Variants in PPHLN1 observed in about 807,000 individuals in gnomAD.
The protein encoded by PPHLN1 is periphilin 1.
PPHLN1 carries 29 observed loss-of-function variants against 51.3 expected under a neutral mutation model. The observed-to-expected ratio is 0.57, with a 90% CI of 0.42 to 0.77. PPHLN1 has a LOEUF of 0.77. PPHLN1 is among the 30% of genes least tolerant of loss of function. The pLI is 0.00. For missense variants in PPHLN1, 436 were observed against 438.4 expected (o/e 0.99, Z 0.05); for synonymous variants, 147 against 147.8 (o/e 0.99, Z 0.04).
intron 2 of PPHLN1, among the ~76,000 whole-genome samples, chr12:42,341,358 A>G (rs943449077): frequency 6.6e-6 from 1 of 152,124 alleles, no homozygotes; most frequent in Non-Finnish European, 1.5e-5. Context: ...AGGAACTACT[A>G]GATGTGATAT....
intron 9 of PPHLN1, among the ~76,000 whole-genome samples, chr12:42,434,583 G>T (rs559653671): frequency 6.6e-6 from 1 of 152,198 alleles, no homozygotes; most frequent in Non-Finnish European, 1.5e-5. Flanking sequence ...TCTTAACCCA[G>T]TTGGTGTCTG....
At chr12:42,359,276 A>G (rs190652581) in intron 4 of PPHLN1, 56 of 152,310 alleles carry the variant, frequency 3.7e-4, no homozygotes, top group African/African-American at 1.3e-3. Context: ...TTCATTCTGT[A>G]TGGTATATTC....
chr12:42,357,269 C>T (rs1430428437), intron 4 of PPHLN1, among the ~76,000 whole-genome samples: 1 of 151,704 alleles, frequency 6.6e-6, no homozygotes, highest in Non-Finnish European at 1.5e-5. Flanking sequence ...TTATTTTGCA[C>T]GGAAGTTGAC....
At chr12:42,355,050 T>C (rs995983819) in intron 3 of PPHLN1, 111 bp from the exon 4 acceptor site, 70 of 908,238 alleles carry the variant, frequency 7.7e-5, no homozygotes, top group Non-Finnish European at 1.2e-4. Flanking sequence ...TCCCTTTTTA[T>C]GCCTTTGAAG....
At chr12:42,398,711 G>T in intron 8 of PPHLN1, 143 bp from the exon 9 acceptor site, 1 of 641,020 alleles carries the variant, frequency 1.6e-6, no homozygotes, top group Non-Finnish European at 2.5e-6. Flanking sequence ...ATTATGCATA[G>T]TGAAATGGAG....
At chr12:42,349,661 C>T (rs375294611) in intron 2 of PPHLN1, among the ~76,000 whole-genome samples, 3 of 152,012 alleles carry the variant, frequency 2.0e-5, no homozygotes, top group South Asian at 2.1e-4. Flanking sequence ...CATCTTGCAC[C>T]GCCCTTAATC....
At chr12:42,412,212 T>TA (rs1211810783) in intron 9 of PPHLN1, among the ~76,000 whole-genome samples, 1 of 151,750 alleles carries the variant, frequency 6.6e-6, no homozygotes, top group African/African-American at 2.4e-5. Context: ...TCTCAAAAAA[T>TA]AAAAAAAGAA....
intron 8 of PPHLN1, among the ~76,000 whole-genome samples, chr12:42,397,169 C>A (rs1040488102): frequency 1.3e-5 from 2 of 152,102 alleles, no homozygotes; most frequent in Non-Finnish European, 2.9e-5. Context: ...TTATTCTGTC[C>A]CTAGTCTAGA....
intron 2 of PPHLN1, among the ~76,000 whole-genome samples, chr12:42,338,720 GCT>G (rs1280851456): frequency 1.3e-5 from 2 of 152,164 alleles, no homozygotes; most frequent in African/African-American, 2.4e-5. Context: ...TAGATCAGAA[GCT>G]CTCAATCCTT....
intron 9 of PPHLN1, among the ~76,000 whole-genome samples, chr12:42,408,947 C>G (rs67215543): frequency 6.6e-6 from 1 of 151,942 alleles, no homozygotes; most frequent in African/African-American, 2.4e-5. Flanking sequence ...ACAGATAATA[C>G]TGAACCCAAT....
chr12:42,435,115 A>G (rs534963122), intron 9 of PPHLN1, among the ~76,000 whole-genome samples: 1 of 152,342 alleles, frequency 6.6e-6, no homozygotes, highest in Admixed American at 6.5e-5. Flanking sequence ...TGTCTAGTAT[A>G]TTATGATTGA....
At position 42,400,796 on chromosome 12, in the gene PPHLN1, T is replaced by TCTC. The variant is rs1491587968; in HGVS notation, c.909+1802_909+1803insCTC. ...CTCTTTCTCTCTCTCTCTCTCTCTCTTTCACACACACACACACACACACAC... is the reference window on the plus strand; with the variant it reads ...CTCTTTCTCTCTCTCTCTCTCTCTCTCTCTTCACACACACACACACACACACAC... On this transcript the variant is annotated intron_variant, in intron 9 of 9. Transcript: ENST00000358314. 2.2e-4 allele frequency among the ~76,000 whole-genome samples: 27 copies of TCTC among 122,774 alleles called. No homozygotes were observed. The Admixed American group carries it at 2.4e-3, about 11-fold the overall frequency. 80.5% of individuals were successfully genotyped at this position (122,774 alleles called of 152,430 possible).
chr12:42,337,684 G>A (rs990125762), intron 2 of PPHLN1, among the ~76,000 whole-genome samples: 1 of 152,084 alleles, frequency 6.6e-6, no homozygotes, highest in South Asian at 2.1e-4. Flanking sequence ...TCTACTTCCC[G>A]GGTTCAAGCG....
intron 9 of PPHLN1, among the ~76,000 whole-genome samples, chr12:42,440,967 A>G (rs919190551): frequency 6.6e-6 from 1 of 152,266 alleles, no homozygotes; most frequent in Admixed American, 6.5e-5. Context: ...CAAATAAATG[A>G]ACAAAGTCAT....
chr12:42,400,250 C>T (rs2078672517), intron 9 of PPHLN1: 1 of 151,666 alleles, frequency 6.6e-6, no homozygotes, highest in East Asian at 2.0e-4. Context: ...GGGCGGATCA[C>T]GAGGTCAGGA....
At chr12:42,355,332 T>C in intron 4 of PPHLN1, 110 bp downstream of exon 4, 1 of 957,456 alleles carries the variant, frequency 1.0e-6, no homozygotes, top group Admixed American at 2.2e-5. Flanking sequence ...ACTGGGATTT[T>C]AAATTTTGAA....
intron 8 of PPHLN1, 162 bp from the exon 9 acceptor site, chr12:42,398,692 C>G (rs1033884621): frequency 5.8e-6 from 3 of 515,816 alleles, no homozygotes; most frequent in Non-Finnish European, 9.6e-6. Context: ...ATCCATTTCA[C>G]ATATGCTCAT....
chr12:42,364,194 A>C (rs1346776950), intron 4 of PPHLN1, among the ~76,000 whole-genome samples: 6 of 152,244 alleles, frequency 3.9e-5, no homozygotes, highest in Non-Finnish European at 7.3e-5. Context: ...ACTGTACTCC[A>C]GCTTGGGCAA....
downstream of PPHLN1, chr12:42,442,623 A>T: frequency 6.2e-7 from 1 of 1,613,894 alleles, no homozygotes; most frequent in Non-Finnish European, 8.5e-7. Flanking sequence ...TACTCCTTTC[A>T]TCCGGTCGCT....
Sources: gnomAD v4.1 joint callset for allele counts (sites outside exome capture counted in the v4.1 genomes callset) on GRCh38, gnomAD v4.1.1 for gene constraint, MANE v1.5 for transcripts, NCBI Gene and HGNC (gene_info 2026-07-23, HGNC 2026-07-21) for gene names.